Variants in GPLD1 observed in about 807,000 individuals in gnomAD.
GPLD1 encodes phosphatidylinositol-glycan-specific phospholipase D.
In GPLD1, 84 loss-of-function variants were observed where a neutral mutation model predicts 112.6. The ratio of observed to expected loss-of-function variants is 0.75; its 90% confidence interval spans 0.63 to 0.89. The LOEUF (loss-of-function observed/expected upper bound fraction) is 0.89, where lower values mean the gene tolerates loss of function less well. Among genes scored for constraint, GPLD1 ranks in the 40% least tolerant of loss-of-function variants. The pLI is 0.00. For missense variants in GPLD1, 1,044 were observed against 1,051.5 expected (o/e 0.99, Z 0.10); for synonymous variants, 386 against 403.8 (o/e 0.96, Z 0.53).
intron 22 of GPLD1, among the ~76,000 whole-genome samples, chr6:24,436,249 C>CCGT (rs1581730730): frequency 6.6e-6 from 1 of 152,168 alleles, no homozygotes; most frequent in East Asian, 1.9e-4. Flanking sequence ...GAACAGGAAC[C>CCGT]CGTCTCTATT....
chr6:24,466,549 G>T, intron 10 of GPLD1, 131 bp downstream of exon 10: 1 of 694,636 alleles, frequency 1.4e-6, no homozygotes, highest in Non-Finnish European at 2.4e-6. Context: ...CTTTGAATAG[G>T]TTAGAAAAGC....
intron 4 of GPLD1, 90 bp downstream of exon 4, chr6:24,476,091 G>C (rs1247097857): frequency 5.7e-6 from 4 of 700,546 alleles, no homozygotes; most frequent in Non-Finnish European, 1.0e-5. Context: ...AGCCCTTACA[G>C]AGCGGTACAA....
chr6:24,487,006 G>A (rs113336221), intron 1 of GPLD1, among the ~76,000 whole-genome samples: 2 of 152,096 alleles, frequency 1.3e-5, no homozygotes, highest in African/African-American at 4.8e-5. Flanking sequence ...CCCACAGCCT[G>A]AATCTCCCAA....
intron 20 of GPLD1, among the ~76,000 whole-genome samples, chr6:24,438,457 G>A (rs1178634900): frequency 6.6e-6 from 1 of 152,328 alleles, no homozygotes; most frequent in Admixed American, 6.5e-5. Context: ...TCACGTCAGC[G>A]TCCACTGAGT....
intron 14 of GPLD1, among the ~76,000 whole-genome samples, chr6:24,451,172 G>A (rs1763068776): frequency 1.3e-5 from 2 of 152,286 alleles, no homozygotes; most frequent in South Asian, 2.1e-4. Context: ...ATGGATTAAG[G>A]TAGGAACTGT....
Position 24,460,415 on chromosome 6 carries a change from A to G in GPLD1, c.888-16T>C. On this transcript the variant is annotated splice_polypyrimidine_tract_variant and intron_variant, in intron 11 of 24. Transcript: ENST00000230036. ...CATTTTTGAGCTGTTGAAGAGAAAG[A>G]GGAATAAACTGGTTACGACTGAGAA... 10 of 1,612,770 alleles carry G rather than the reference A, an allele frequency of 6.2e-6. No individual in the cohort carries two copies. The highest frequency in any genetic ancestry group is 1.7e-4 in the Middle Eastern group (1 of 6,038).
At chr6:24,473,699 T>C (rs374305112) in intron 5 of GPLD1, 32 bp from the exon 6 acceptor site, 4 of 1,503,782 alleles carry the variant, frequency 2.7e-6, no homozygotes, top group South Asian at 1.2e-5. Context: ...CTGGTGTGTA[T>C]TACAAATTGT....
In GPLD1 at chr6:24,446,982, AAAG is replaced by A; in HGVS notation, c.1679-6_1679-4del. On this transcript the variant is annotated splice_region_variant and splice_polypyrimidine_tract_variant and intron_variant, in intron 17 of 24. Coordinates refer to ENST00000230036, the MANE Select transcript of GPLD1 (RefSeq NM_001503.4). ...GGCTGCCTCCACGTTCAGTTTTTCT[AAAG>A]AAGACAACTCATCCTTTTTACTAAT... 1 of 1,612,692 alleles carries A rather than the reference AAAG, an allele frequency of 6.2e-7. No homozygotes were observed. The highest frequency in any genetic ancestry group is 8.5e-7 in the Non-Finnish European group (1 of 1,179,186).
chr6:24,461,838 C>T (rs957162257), intron 11 of GPLD1, among the ~76,000 whole-genome samples: 5 of 152,110 alleles, frequency 3.3e-5, no homozygotes, highest in South Asian at 2.1e-4. Context: ...GTTCCTGGCA[C>T]GTACTGATTA....
intron 20 of GPLD1, among the ~76,000 whole-genome samples, chr6:24,441,492 A>C (rs1762745251): frequency 6.6e-6 from 1 of 152,194 alleles, no homozygotes. Context: ...GGCCGGTCAC[A>C]GTTACGACAC....
In GPLD1 at chr6:24,477,756, A is replaced by G. The variant is rs1337063789; in HGVS notation, c.233-1478T>C. ...AAAAAATGTAAAAATAACTTTAAAA[A>G]AAAGGTGTTTTTTCTTTGGCAATTA... is the stretch of plus-strand genomic sequence containing the variant. On this transcript the variant is annotated intron_variant, in intron 3 of 24. Coordinates refer to ENST00000230036, the MANE Select transcript of GPLD1 (RefSeq NM_001503.4). Among the ~76,000 whole-genome samples, 3 of 151,874 alleles carry G rather than the reference A, an allele frequency of 2.0e-5. 1 individual carries two copies. Among genetic ancestry groups the G allele is most frequent in the Non-Finnish European group, 4.4e-5 (3 of 67,974 alleles).
At chr6:24,457,548 A>G (rs1403195830) in intron 12 of GPLD1, among the ~76,000 whole-genome samples, 5 of 151,822 alleles carry the variant, frequency 3.3e-5, no homozygotes, top group African/African-American at 1.2e-4. Flanking sequence ...GTGTATATAT[A>G]TTAACAAACA....
At chr6:24,489,309 C>G in intron 1 of GPLD1, 106 bp downstream of exon 1, 1 of 835,984 alleles carries the variant, frequency 1.2e-6, no homozygotes. Flanking sequence ...AGCTCAGTGC[C>G]CAGGGGAAAC....
intron 20 of GPLD1, among the ~76,000 whole-genome samples, chr6:24,442,989 G>C (rs1016912255): frequency 2.0e-5 from 3 of 152,180 alleles, no homozygotes; most frequent in Admixed American, 2.0e-4. Flanking sequence ...TGGGTAGAAA[G>C]AGTGGTGAAG....
chr6:24,440,791 ATAGGTAGG>A (rs201680718), intron 20 of GPLD1, among the ~76,000 whole-genome samples: 3 of 151,822 alleles, frequency 2.0e-5, no homozygotes, highest in African/African-American at 4.8e-5. Context: ...GGAAAGTGAG[ATAGGTAGG>A]TAGGTAGGCA....
In GPLD1 at chr6:24,429,063, G is replaced by GC. The variant is rs754744627; in HGVS notation, c.2491dup (p.Ala831GlyfsTer6). 1.2e-6 allele frequency: 2 copies of GC among 1,613,518 alleles called. No homozygotes were observed. The highest frequency in any genetic ancestry group is 3.3e-5 in the Admixed American group (2 of 59,990). On this transcript the variant is annotated frameshift_variant, in exon 25 of 25. Transcript: ENST00000230036. LOFTEE classifies it high-confidence loss of function. ...TGAGCCAAGGCTATAGACGTGAAGT[G>GC]CCCCGGAGAGTCGGGCTCCCAAAGA... is the stretch of plus-strand genomic sequence containing the variant.
intron 17 of GPLD1, 33 bp from the exon 18 acceptor site, chr6:24,447,012 C>A: frequency 6.3e-7 from 1 of 1,596,226 alleles, no homozygotes; most frequent in Non-Finnish European, 8.6e-7. Context: ...TTTACTAATA[C>A]TTTAAGTGAG....
Position 24,429,065 on chromosome 6 carries a change from C to T in GPLD1, c.2490G>A (p.Gly830=), listed in dbSNP as rs1218049829. 2 of 1,613,658 alleles carry T rather than the reference C, an allele frequency of 1.2e-6. No homozygotes were observed. The highest frequency in any genetic ancestry group is 1.7e-6 in the Non-Finnish European group (2 of 1,179,702). The part of the protein sequence containing the change: ...GRSSLGARLS[G]ALHVYSLGSD Reference sequence around the variant, plus strand: ...AGCCAAGGCTATAGACGTGAAGTGCCCCGGAGAGTCGGGCTCCCAAAGAAC... The same window carrying T: ...AGCCAAGGCTATAGACGTGAAGTGCTCCGGAGAGTCGGGCTCCCAAAGAAC... The change falls in exon 25 of 25, where the codon GGG becomes GGA. Residue 830 remains glycine (G), a synonymous_variant. Coordinates refer to ENST00000230036, the MANE Select transcript of GPLD1 (RefSeq NM_001503.4).
At position 24,462,783 on chromosome 6, in the gene GPLD1, C is replaced by CA. The variant is rs748473014; in HGVS notation, c.833dup (p.Pro279AlafsTer2). The CA allele has an allele frequency of 1.2e-6, 2 of 1,612,460 alleles. No homozygotes were observed. The highest frequency in any genetic ancestry group is 1.7e-6 in the Non-Finnish European group (2 of 1,178,588). On this transcript the variant is annotated frameshift_variant, in exon 11 of 25. Coordinates refer to ENST00000230036, the MANE Select transcript of GPLD1 (RefSeq NM_001503.4). LOFTEE classifies it high-confidence loss of function. ...ATGCAATGAACAGAGGGTTCTCAGG[C>CA]AGGTTGCAGTCACTGAGGAAACAGT... is the stretch of plus-strand genomic sequence containing the variant.
Sources: gnomAD v4.1 joint callset for allele counts (sites outside exome capture counted in the v4.1 genomes callset) on GRCh38, gnomAD v4.1.1 for gene constraint, MANE v1.5 for transcripts, NCBI Gene and HGNC (gene_info 2026-07-23, HGNC 2026-07-21) for gene names.